The following NEDD9 variants were observed in gnomAD, a reference collection of about 807,000 sequenced individuals.
NEDD9 encodes neural precursor cell expressed, developmentally down-regulated 9, also known as enhancer of filamentation 1.
In NEDD9, 26 loss-of-function variants were observed where a neutral mutation model predicts 76.6. That is an observed-to-expected ratio of 0.34 (90% CI 0.25 to 0.47). The LOEUF (loss-of-function observed/expected upper bound fraction) is 0.47, where lower values mean the gene tolerates loss of function less well. Ranked by LOEUF, NEDD9 falls within the 20% of genes least tolerant of loss-of-function variation. The probability of loss-of-function intolerance (pLI) is 1.00; values close to 1 mark genes in which losing one functional copy is unlikely to be tolerated. For missense variants in NEDD9, 937 were observed against 1,058.5 expected, an observed-to-expected ratio of 0.89 and a Z score of 1.59; for synonymous variants, 392 against 414.2, an observed-to-expected ratio of 0.95 and a Z score of 0.65.
chr6:11,190,964 G>T lies in NEDD9; in HGVS notation c.905C>A (p.Pro302Gln). The T allele has an allele frequency of 6.2e-7, 1 of 1,614,068 alleles. No homozygotes were observed. Among genetic ancestry groups the T allele is most frequent in the Non-Finnish European group, 8.5e-7 (1 of 1,180,020 alleles). Residue 302 changes from proline (P) to glutamine (Q), a missense_variant, in exon 5 of 7, where the codon CCA becomes CAA. Pro to Gln is a moderately conservative substitution (Grantham distance 76). Coordinates refer to ENST00000379446, the MANE Select transcript of NEDD9 (RefSeq NM_006403.4). This position sits in a 1 kb window ranked among gnomAD's most constrained non-coding sequence, Gnocchi z 5.8. ...CACTGACTGTCCGAGTTGCGGGGGT[G>T]GGTGATTCGGGGACAGGCTCTGGTG... is the stretch of plus-strand genomic sequence containing the variant. ...RRHQSLSPNH[P>Q]PPQLGQSVGS... is the part of the protein sequence containing the mutation.
Position 11,188,275 on chromosome 6 carries a change from C to G in NEDD9, c.1938G>C (p.Glu646Asp). The G allele has an allele frequency of 6.2e-7, 1 of 1,614,138 alleles. No individual in the cohort carries two copies. Among genetic ancestry groups the G allele is most frequent in the Non-Finnish European group, 8.5e-7 (1 of 1,179,990 alleles). Residue 646 changes from glutamate to aspartate, a missense_variant, in exon 6 of 7, where the codon GAG (glutamate) becomes GAC (aspartate). Glu to Asp is a conservative substitution (Grantham distance 45, BLOSUM62 2). Coordinates refer to ENST00000379446, the MANE Select transcript of NEDD9 (RefSeq NM_006403.4). Reference protein sequence around the residue: ...GKEEFERQQKELLEKENIMKQ... With the variant: ...GKEEFERQQKDLLEKENIMKQ... The stretch of plus-strand genomic sequence containing the variant: ...TCATGATATTCTCTTTTTCCAATAG[C>G]TCTTTCTGTTGCCTCTCAAACTCCT...
At chr6:11,300,380 C>T (rs1346002260) in intron 3 of NEDD9, among the ~76,000 whole-genome samples, 4 of 152,156 alleles carry the variant, frequency 2.6e-5, no homozygotes, top group Non-Finnish European at 5.9e-5. Context: ...ACCAAATCTA[C>T]GTTTGATTGG....
intron 3 of NEDD9, among the ~76,000 whole-genome samples, chr6:11,260,251 A>G (rs1327510077): frequency 2.0e-5 from 3 of 152,190 alleles, no homozygotes; most frequent in African/African-American, 7.2e-5. Context: ...TACATTGAGA[A>G]GCTCCCGGAA....
Position 11,365,545 on chromosome 6 carries a change from T to C in NEDD9, c.-214+16594A>G, listed in dbSNP as rs1041187141. On this transcript the variant is annotated intron_variant, in intron 1 of 3. Coordinates refer to the NEDD9 transcript ENST00000397378. ...GATTAAAAGGTGAATAGCAGAAGAG[T>C]GGTGGCTTGGAGTTACATTAATTGA... Among the ~76,000 whole-genome samples, 4 of 151,960 alleles carry C rather than the reference T, an allele frequency of 2.6e-5. No individual in the cohort carries two copies. The South Asian group carries it at 6.2e-4, about 24-fold the overall frequency.
At chr6:11,372,777 C>T (rs889769602) in intron 1 of NEDD9, among the ~76,000 whole-genome samples, 1 of 152,174 alleles carries the variant, frequency 6.6e-6, no homozygotes, top group Non-Finnish European at 1.5e-5. Flanking sequence ...CATATACCTG[C>T]TTGCCATTTG....
intron 3 of NEDD9, among the ~76,000 whole-genome samples, chr6:11,302,643 A>G (rs1225870789): frequency 1.3e-5 from 2 of 152,230 alleles, no homozygotes; most frequent in Admixed American, 6.5e-5. Context: ...CGAATCCAGC[A>G]GCACATCAAA....
chr6:11,270,361 C>T (rs905863925), intron 3 of NEDD9, among the ~76,000 whole-genome samples: 2 of 149,720 alleles, frequency 1.3e-5, no homozygotes, highest in Non-Finnish European at 3.0e-5. Flanking sequence ...TCTCCCTCCC[C>T]TCAACCTTTT....
intron 1 of NEDD9, among the ~76,000 whole-genome samples, chr6:11,358,205 C>A (rs1190592030): frequency 7.6e-6 from 1 of 131,252 alleles, no homozygotes; most frequent in Admixed American, 8.5e-5. Flanking sequence ...GCTGAGATCA[C>A]GCCACTGCAC....
chr6:11,374,996 C>T (rs568415395), intron 1 of NEDD9, among the ~76,000 whole-genome samples: 3 of 152,290 alleles, frequency 2.0e-5, no homozygotes, highest in East Asian at 1.9e-4. Flanking sequence ...TTGATGTCCC[C>T]TAGCTAAAAC....
intron 3 of NEDD9, chr6:11,305,751 C>T (rs1213580298): frequency 9.0e-6 from 5 of 553,146 alleles, no homozygotes; most frequent in Non-Finnish European, 1.6e-5. Flanking sequence ...TCCCAGAAGA[C>T]TGCTTCCCCA....
chr6:11,356,311 T>C (rs929435319), intron 1 of NEDD9, among the ~76,000 whole-genome samples: 1 of 152,218 alleles, frequency 6.6e-6, no homozygotes, highest in Admixed American at 6.5e-5. Context: ...AAATACTGCC[T>C]GCCACACCTG....
intron 1 of NEDD9, among the ~76,000 whole-genome samples, chr6:11,347,199 CT>C (rs1304555390): frequency 6.6e-6 from 1 of 152,112 alleles, no homozygotes; most frequent in Non-Finnish European, 1.5e-5. Flanking sequence ...CTGGCCACTT[CT>C]TTTTATTTTC....
rs140836210 is a variant in NEDD9, at chr6:11,192,415, C to T, written c.593G>A (p.Gly198Asp). Residue 198 changes from glycine to aspartate, a missense_variant, in exon 4 of 7, where the codon GGC becomes GAC. Transcript: ENST00000379446. ...TCCCACTGGAACTGAAAACACAGGG[C>T]CTTTTGCTGATGAGGGAGGGATGTC... ...VYDIPPSSAK[G>D]PVFSVPVGEI... 455 of 1,609,410 alleles carry T rather than the reference C, an allele frequency of 2.8e-4. No individual in the cohort carries two copies. Among genetic ancestry groups the T allele is most frequent in the Non-Finnish European group, 3.7e-4 (434 of 1,178,638 alleles).
chr6:11,262,425 G>A (rs890795107), intron 3 of NEDD9, among the ~76,000 whole-genome samples: 10 of 152,224 alleles, frequency 6.6e-5, no homozygotes, highest in African/African-American at 2.2e-4. Context: ...AAGAGCATGC[G>A]GTCTAAATTC....
chr6:11,253,553 T>A (rs1203392221), intron 3 of NEDD9, among the ~76,000 whole-genome samples: 1 of 152,246 alleles, frequency 6.6e-6, no homozygotes, highest in Non-Finnish European at 1.5e-5. Context: ...TTATGTTAAC[T>A]TATTTCAAAT....
In NEDD9 at chr6:11,339,909, G is replaced by T. The variant is rs181228794; in HGVS notation, c.-213-5348C>A. 4.3e-3 allele frequency among the ~76,000 whole-genome samples: 652 copies of T among 152,326 alleles called. 2 individuals are homozygous for T. The highest frequency in any genetic ancestry group is 0.015 in the African/African-American group (619 of 41,576). On this transcript the variant is annotated intron_variant, in intron 1 of 3. Coordinates refer to the NEDD9 transcript ENST00000397378. ...GTTAATAAAGCCATTCAGCTGTACG[G>T]TAATGATATCCTACTTCTTATGGTT... is the stretch of plus-strand genomic sequence containing the variant.
intron 6 of NEDD9, among the ~76,000 whole-genome samples, chr6:11,185,884 T>C (rs539497271): frequency 6.8e-4 from 104 of 152,362 alleles, no homozygotes; most frequent in African/African-American, 2.3e-3. Context: ...CCTTCTATGA[T>C]TGGACTACTG....
chr6:11,236,162 A>G (rs1561801755), upstream of NEDD9, among the ~76,000 whole-genome samples: 1 of 152,166 alleles, frequency 6.6e-6, no homozygotes, highest in East Asian at 1.9e-4. This position sits in a 1 kb window ranked among gnomAD's most constrained non-coding sequence, Gnocchi z 5.5. Flanking sequence ...AAACTGGGCT[A>G]TGTAATTGAT....
chr6:11,264,683 AAAG>A (rs1434326693), intron 3 of NEDD9, among the ~76,000 whole-genome samples: 1 of 152,236 alleles, frequency 6.6e-6, no homozygotes, highest in Non-Finnish European at 1.5e-5. Context: ...AGGCTGAAAA[AAAG>A]AATTTAAAGG....
Sources: allele counts gnomAD v4.1 joint callset (sites outside exome capture counted in the v4.1 genomes callset), GRCh38; gene constraint gnomAD v4.1.1; non-coding constraint Gnocchi (gnomAD v3.1); transcripts MANE v1.5; gene names NCBI Gene and HGNC (gene_info 2026-07-23, HGNC 2026-07-21).